SULT1C3: variants seen among roughly 807,000 people sequenced by gnomAD.
The protein encoded by SULT1C3 is sulfotransferase family 1C member 3.
Under a neutral mutation model 28.4 loss-of-function variants are expected in SULT1C3, and 31 were observed. The ratio of observed to expected loss-of-function variants is 1.09; its 90% CI spans 0.82 to 1.47. The LOEUF (loss-of-function observed/expected upper bound fraction) is 1.47. Among genes scored for constraint, SULT1C3 ranks in the 40% most tolerant of loss-of-function variants. The probability of loss-of-function intolerance (pLI) is 0.00; values close to 1 mark genes in which losing one functional copy is unlikely to be tolerated. For synonymous variants in SULT1C3, 106 were observed against 92.2 expected (o/e 1.15, Z -0.86); for missense variants, 307 against 272.5 (o/e 1.13, Z -0.89).
rs1285964777 is a variant in SULT1C3 at position 108,240,047 on chromosome 2, G to A, written c.-44G>A. On this transcript the variant is annotated 5_prime_UTR_variant, in exon 1 of 8. Transcript: ENST00000681802. ...GTTTCCAGGAAGCAGTTTGACTAAA[G>A]GCAGCAAGCTGCTTCCTCTGCTGCC... Among the ~76,000 whole-genome samples the A allele has an allele frequency of 6.6e-6, 1 of 152,200 alleles. No homozygotes were observed. Among genetic ancestry groups the A allele is most frequent in the Non-Finnish European group, 1.5e-5 (1 of 68,036 alleles).
downstream of SULT1C3, among the ~76,000 whole-genome samples, chr2:108,261,562 G>C (rs1676028353): frequency 6.6e-6 from 1 of 152,112 alleles, no homozygotes; most frequent in African/African-American, 2.4e-5. Context: ...AGAAGAGAAG[G>C]TCCTGAGGGG....
At chr2:108,244,257 T>C (rs905504670) in intron 1 of SULT1C3, among the ~76,000 whole-genome samples, 1 of 152,192 alleles carries the variant, frequency 6.6e-6, no homozygotes, top group Non-Finnish European at 1.5e-5. Flanking sequence ...TTTTTACCCT[T>C]TTGCCAGCAT....
intron 7 of SULT1C3, among the ~76,000 whole-genome samples, 177 bp from the exon 8 acceptor site, chr2:108,260,390 AG>A (rs1675991370): frequency 6.6e-6 from 1 of 152,112 alleles, no homozygotes; most frequent in Non-Finnish European, 1.5e-5. Flanking sequence ...CCTTGTGGTA[AG>A]AAAGCCAAGT....
downstream of SULT1C3, among the ~76,000 whole-genome samples, chr2:108,261,084 A>C (rs1052261211): frequency 6.6e-6 from 1 of 152,202 alleles, no homozygotes; most frequent in African/African-American, 2.4e-5. Context: ...TGAAGTGTAC[A>C]TTCTATACTT....
intron 3 of SULT1C3, 62 bp downstream of exon 3, chr2:108,252,555 T>G: frequency 6.3e-7 from 1 of 1,581,666 alleles, no homozygotes; most frequent in Non-Finnish European, 8.6e-7. Context: ...CAATGTGTAC[T>G]GTCTCTGATA....
intron 3 of SULT1C3, among the ~76,000 whole-genome samples, chr2:108,253,104 G>A (rs1284199015): frequency 2.0e-5 from 3 of 152,008 alleles, no homozygotes; most frequent in Admixed American, 6.6e-5. Flanking sequence ...AGAATTAATC[G>A]AGGGTGAAAA....
downstream of SULT1C3, among the ~76,000 whole-genome samples, chr2:108,261,992 G>A (rs1676036126): frequency 6.6e-6 from 1 of 152,114 alleles, no homozygotes; most frequent in Non-Finnish European, 1.5e-5. Context: ...ATTTGAACCA[G>A]CCCAGAGGGG....
downstream of SULT1C3, chr2:108,265,145 C>T: frequency 7.0e-7 from 1 of 1,432,352 alleles, no homozygotes. Flanking sequence ...AGGCAAGTTG[C>T]CTGTTTCTCC....
At chr2:108,247,137 T>C (rs1675601935) in intron 1 of SULT1C3, 51 bp from the exon 2 acceptor site, 4 of 1,353,028 alleles carry the variant, frequency 3.0e-6, no homozygotes, top group East Asian at 5.2e-5. Flanking sequence ...CTATGAACCA[T>C]AAAACAACAT....
At chr2:108,252,189 G>A (rs6758620) in intron 2 of SULT1C3, among the ~76,000 whole-genome samples, 176 bp from the exon 3 acceptor site, 49 of 133,864 alleles carry the variant, frequency 3.7e-4, no homozygotes, top group African/African-American at 1.3e-3. Context: ...ATAGATAGAT[G>A]GATAGATAGA....
At chr2:108,262,261 G>A (rs556488256), downstream of SULT1C3, among the ~76,000 whole-genome samples, 9 of 152,212 alleles carry the variant, frequency 5.9e-5, no homozygotes, top group South Asian at 2.1e-4. Flanking sequence ...TAGAAAGCTC[G>A]GGCCCCAGGT....
downstream of SULT1C3, among the ~76,000 whole-genome samples, chr2:108,260,948 G>T (rs1676010960): frequency 6.6e-5 from 10 of 152,102 alleles, no homozygotes; most frequent in Admixed American, 3.9e-4. Context: ...GTTTTATTGT[G>T]CATGACAGAC....
intron 7 of SULT1C3, among the ~76,000 whole-genome samples, chr2:108,260,283 A>G (rs930196095): frequency 5.9e-5 from 9 of 152,132 alleles, no homozygotes; most frequent in African/African-American, 2.2e-4. Flanking sequence ...TGGGTACACT[A>G]GAGCCAGGAG....
intron 7 of SULT1C3, among the ~76,000 whole-genome samples, chr2:108,260,295 G>A (rs1330900582): frequency 2.0e-5 from 3 of 152,124 alleles, no homozygotes; most frequent in Admixed American, 6.6e-5. Context: ...AGCCAGGAGT[G>A]TACCCTGGAG....
At chr2:108,256,210 A>G (rs532326759) in intron 5 of SULT1C3, among the ~76,000 whole-genome samples, 2 of 152,168 alleles carry the variant, frequency 1.3e-5, no homozygotes, top group African/African-American at 4.8e-5. Flanking sequence ...TATTAAGATC[A>G]CACCTTCCAG....
At chr2:108,242,908 G>T (rs1186351340) in intron 1 of SULT1C3, among the ~76,000 whole-genome samples, 1 of 152,064 alleles carries the variant, frequency 6.6e-6, no homozygotes, top group Non-Finnish European at 1.5e-5. Flanking sequence ...GAGGAAAAAA[G>T]GCTTTTTCCA....
chr2:108,257,262 G>A (rs1675888254), intron 5 of SULT1C3, among the ~76,000 whole-genome samples: 1 of 151,930 alleles, frequency 6.6e-6, no homozygotes, highest in African/African-American at 2.4e-5. Context: ...TCTGCCTCAA[G>A]GCTGTTATAT....
chr2:108,254,971 C>T (rs538393845), intron 4 of SULT1C3, among the ~76,000 whole-genome samples: 2 of 151,906 alleles, frequency 1.3e-5, no homozygotes, highest in East Asian at 3.9e-4. Flanking sequence ...CCAGGCATGA[C>T]CCACTCGTGT....
downstream of SULT1C3, chr2:108,264,792 A>G (rs758126118): frequency 2.5e-6 from 4 of 1,576,180 alleles, no homozygotes; most frequent in South Asian, 2.4e-5. Context: ...AAGACCCAAC[A>G]TGATTTGTTT....
Sources: allele counts gnomAD v4.1 joint callset (sites outside exome capture counted in the v4.1 genomes callset), GRCh38; gene constraint gnomAD v4.1.1; transcripts MANE v1.5; gene names NCBI Gene and HGNC (gene_info 2026-07-23, HGNC 2026-07-21).